KRT80: variants seen among roughly 807,000 people sequenced by gnomAD.
The protein encoded by KRT80 is keratin 80, also known as keratin, type II cytoskeletal 80.
KRT80 carries 36 observed loss-of-function variants against 51.5 expected under a neutral mutation model. That is an observed-to-expected ratio of 0.70 (90% CI 0.54 to 0.92). KRT80 has a LOEUF of 0.92. KRT80 is among the 40% of genes least tolerant of loss of function. The pLI is 0.00. For synonymous variants in KRT80, 235 were observed against 248.3 expected (o/e 0.95, Z 0.50); for missense variants, 566 against 591.7 (o/e 0.96, Z 0.45).
At chr12:52,178,043 C>G (rs1364001880) in intron 4 of KRT80, among the ~76,000 whole-genome samples, 1 of 152,052 alleles carries the variant, frequency 6.6e-6, no homozygotes, top group East Asian at 1.9e-4. Context: ...CTTAAGACAC[C>G]CTCTGGTGTG....
At position 52,191,785 on chromosome 12, in the gene KRT80, C is replaced by T. The variant is rs780236621; in HGVS notation, c.118G>A (p.Gly40Ser). ...GWDSCRAPGP[G>S]FSSRSLTGCW... Reference sequence around the variant, plus strand: ...CCTGTGAGGCTGCGGGAGCTGAAGCCCGGCCCGGGGGCCCTGCAGCTGTCC... The same window carrying T: ...CCTGTGAGGCTGCGGGAGCTGAAGCTCGGCCCGGGGGCCCTGCAGCTGTCC... Residue 40 changes from glycine to serine, a missense_variant, in exon 1 of 9, where the codon GGC becomes AGC. Physicochemically the swap from Gly to Ser is moderately conservative, Grantham distance 56. Coordinates refer to ENST00000394815, the MANE Select transcript of KRT80 (RefSeq NM_182507.3). The T allele has an allele frequency of 1.2e-6, 2 of 1,611,060 alleles. No individual in the cohort carries two copies. Among genetic ancestry groups the T allele is most frequent in the South Asian group, 1.1e-5 (1 of 90,892 alleles).
chr12:52,173,292 C>G, intron 5 of KRT80, 129 bp from the exon 6 acceptor site: 1 of 1,230,380 alleles, frequency 8.1e-7, no homozygotes, highest in East Asian at 2.7e-5. Flanking sequence ...CCACGCCAGG[C>G]TCCCTCAGCT....
At position 52,191,842 on chromosome 12, in the gene KRT80, C is replaced by G. The variant is rs1941486392; in HGVS notation, c.61G>C (p.Val21Leu). Residue 21 changes from valine to leucine, a missense_variant, in exon 1 of 9, where the codon GTG (valine) becomes CTG (leucine). Transcript: ENST00000394815. Reference protein sequence around the residue: ...SSLSSCEVTPVGSPRPGTSGW... With the variant: ...SSLSSCEVTPLGSPRPGTSGW... ...GAGGTTCCAGGCCGGGGGCTGCCCA[C>G]CGGGGTCACCTCACAGCTGCTGAGG... 1 of 1,572,610 alleles carries G rather than the reference C, an allele frequency of 6.4e-7. No individual in the cohort carries two copies. Among genetic ancestry groups the G allele is most frequent in the Non-Finnish European group, 8.6e-7 (1 of 1,156,802 alleles).
chr12:52,184,978 A>G (rs1434196511), intron 2 of KRT80, among the ~76,000 whole-genome samples: 1 of 152,210 alleles, frequency 6.6e-6, no homozygotes, highest in Non-Finnish European at 1.5e-5. Context: ...CTAAAACAGA[A>G]ACCCATCTGT....
At chr12:52,180,705 G>A (rs750419158) in intron 3 of KRT80, 97 bp from the exon 4 acceptor site, 1 of 1,600,728 alleles carries the variant, frequency 6.2e-7, no homozygotes, top group Non-Finnish European at 8.5e-7. Flanking sequence ...GAGTGGGGGT[G>A]ATTCCAGAGG....
intron 3 of KRT80, 37 bp downstream of exon 3, chr12:52,180,866 T>A (rs552432472): frequency 6.2e-6 from 10 of 1,609,866 alleles, no homozygotes; most frequent in Non-Finnish European, 8.5e-6. Context: ...CCAGGGCCCA[T>A]GAGGAAGGAG....
chr12:52,171,721 TG>T lies in KRT80; in HGVS notation c.1179-9del. The T allele has an allele frequency of 1.1e-5, 1 of 89,674 alleles. No homozygotes were observed. The highest frequency in any genetic ancestry group is 2.3e-5 in the Non-Finnish European group (1 of 43,004). 5.6% of individuals were successfully genotyped at this position (89,674 alleles called of 1,614,324 possible). ...GCTGAGGGCGAGTCCATCCTGGGGG[TG>T]GGGGACGGGGGGGTGGGAGAGGGAT... On this transcript the variant is annotated splice_polypyrimidine_tract_variant and intron_variant, in intron 7 of 8. Transcript: ENST00000394815.
rs2120957008 is a variant in KRT80, at chr12:52,191,481, A to G, written c.300+122T>C. 4.1e-6 allele frequency: 4 copies of G among 970,552 alleles called. No homozygotes were observed. The South Asian group carries it at 6.5e-5, about 16-fold the overall frequency. 60.1% of individuals were successfully genotyped at this position (970,552 alleles called of 1,614,324 possible). On this transcript the variant is annotated intron_variant, in intron 1 of 8. Coordinates refer to ENST00000394815, the MANE Select transcript of KRT80 (RefSeq NM_182507.3). ...GCTAGCCTGTCGGGTTAGCAGTGCCATCTCCCCATTGGCTGGGTGCAGGGG... is the reference window on the plus strand; with the variant it reads ...GCTAGCCTGTCGGGTTAGCAGTGCCGTCTCCCCATTGGCTGGGTGCAGGGG...
chr12:52,171,310 C>T lies in KRT80; in HGVS notation c.*88G>A, dbSNP rs878953178. 39 of 1,358,710 alleles carry T rather than the reference C, an allele frequency of 2.9e-5. No individual in the cohort carries two copies. The South Asian group carries it at 4.8e-4, about 17-fold the overall frequency. The allele number at this position is 1,358,710 out of a possible 1,614,324, so 84.2% of individuals were successfully genotyped here. The stretch of plus-strand genomic sequence containing the variant: ...TATCAGGTTTTGCCTCTCTTCTCAA[C>T]CTAGAGGCTCCAAGCTGCTTTCTTG... On this transcript the variant is annotated 3_prime_UTR_variant, in exon 9 of 9. Coordinates refer to ENST00000394815, the MANE Select transcript of KRT80 (RefSeq NM_182507.3).
At chr12:52,186,644 C>T (rs965514692) in intron 1 of KRT80, among the ~76,000 whole-genome samples, 11 of 152,336 alleles carry the variant, frequency 7.2e-5, no homozygotes, top group Non-Finnish European at 1.3e-4. Context: ...ATGACACATG[C>T]GTCCTGTGTG....
intron 4 of KRT80, among the ~76,000 whole-genome samples, chr12:52,178,530 T>C (rs1382465324): frequency 2.0e-5 from 3 of 152,252 alleles, no homozygotes; most frequent in Non-Finnish European, 4.4e-5. Flanking sequence ...GCCCCGCTCA[T>C]GGGCTCTGAG....
intron 1 of KRT80, among the ~76,000 whole-genome samples, chr12:52,188,613 AG>A (rs1941439846): frequency 6.6e-6 from 1 of 152,218 alleles, no homozygotes; most frequent in Non-Finnish European, 1.5e-5. Context: ...GCATACAGGC[AG>A]GGGGAAGGCT....
chr12:52,184,105 T>C (rs1011440794), intron 2 of KRT80, among the ~76,000 whole-genome samples: 2 of 152,218 alleles, frequency 1.3e-5, no homozygotes, highest in Non-Finnish European at 2.9e-5. Flanking sequence ...CCCAGGTCTC[T>C]GGACTCCTGG....
chr12:52,175,691 A>G (rs910792809), intron 4 of KRT80, among the ~76,000 whole-genome samples: 2 of 151,870 alleles, frequency 1.3e-5, no homozygotes, highest in African/African-American at 4.8e-5. Flanking sequence ...AGCTGGCAGG[A>G]CCCTGAACTC....
At position 52,171,641 on chromosome 12, in the gene KRT80, G is replaced by A. The variant is rs762318180; in HGVS notation, c.1234+17C>T. The A allele has an allele frequency of 1.6e-5, 25 of 1,594,604 alleles. No homozygotes were observed. In the East Asian group the frequency reaches 2.7e-4, roughly 17 times the overall value. The stretch of plus-strand genomic sequence containing the variant: ...CACCCTCACCCCACCATGGGTTCTC[G>A]GGGCAAGAGGACTCACCGGTTTTGC... On this transcript the variant is annotated intron_variant, in intron 8 of 8. Transcript: ENST00000394815.
At chr12:52,183,389 A>G (rs924365765) in intron 2 of KRT80, among the ~76,000 whole-genome samples, 59 of 152,296 alleles carry the variant, frequency 3.9e-4, no homozygotes, top group Non-Finnish European at 2.1e-4. Flanking sequence ...GGCTGATCTC[A>G]TCGGCTCCGT....
intron 4 of KRT80, among the ~76,000 whole-genome samples, chr12:52,176,689 C>G (rs1246955525): frequency 6.6e-6 from 1 of 152,200 alleles, no homozygotes; most frequent in Admixed American, 6.5e-5. Flanking sequence ...CCATGTTGGT[C>G]ATGCTGGTCT....
intron 5 of KRT80, 147 bp downstream of exon 5, chr12:52,173,453 C>CAGTGGGT: frequency 1.4e-6 from 1 of 735,146 alleles, no homozygotes. Flanking sequence ...TCCCCCCGCC[C>CAGTGGGT]GCCCCGTCCC....
chr12:52,180,938 T>C lies in KRT80; in HGVS notation c.535A>G (p.Thr179Ala), dbSNP rs148289771. 8 of 1,541,248 alleles carry C rather than the reference T, an allele frequency of 5.2e-6. No homozygotes were observed. The highest frequency in any genetic ancestry group is 7.0e-6 in the Non-Finnish European group (8 of 1,146,384). Residue 179 changes from threonine to alanine, a missense_variant, in exon 3 of 9, where the codon ACA (threonine) becomes GCA (alanine). Coordinates refer to ENST00000394815, the MANE Select transcript of KRT80 (RefSeq NM_182507.3). Reference sequence around the variant, plus strand: ...TGAACAAAGGTGAACTCCATGTCTGTGCGCTTGGAGATCTCATCCTCATAC... The same window carrying C: ...TGAACAAAGGTGAACTCCATGTCTGCGCGCTTGGAGATCTCATCCTCATAC... ...IRYEDEISKR[T>A]DMEFTFVQLK... is the part of the protein sequence containing the mutation.
Sources: allele counts gnomAD v4.1 joint callset (sites outside exome capture counted in the v4.1 genomes callset), GRCh38; gene constraint gnomAD v4.1.1; transcripts MANE v1.5; gene names NCBI Gene and HGNC (gene_info 2026-07-23, HGNC 2026-07-21).